Variants in B3GNT6 observed in about 807,000 individuals in gnomAD.
B3GNT6 encodes acetylgalactosaminyl-O-glycosyl-glycoprotein beta-1,3-N-acetylglucosaminyltransferase.
For synonymous variants in B3GNT6, 300 were observed against 270.0 expected (o/e 1.11, Z -1.09); for missense variants, 624 against 568.6 (o/e 1.10, Z -0.99).
chr11:77,039,693 C>T lies in B3GNT6; in HGVS notation c.142C>T (p.Pro48Ser). ...REERSPQEET[P>S]EGPTDAPAAD... ...GGAGAGGTCCCCGCAGGAGGAGACG[C>T]CAGAGGGTCCCACCGACGCTCCCGC... Residue 48 changes from proline to serine, a missense_variant, in exon 2 of 2, where the codon CCA becomes TCA. Pro to Ser is a moderately conservative substitution (Grantham distance 74, BLOSUM62 -1). Transcript: ENST00000622824. 1.2e-6 allele frequency: 2 copies of T among 1,610,846 alleles called. No homozygotes were observed. Among genetic ancestry groups the T allele is most frequent in the Non-Finnish European group, 8.5e-7 (1 of 1,179,182 alleles).
At chr11:77,037,266 G>A (rs1480505779) in intron 1 of B3GNT6, 3 of 152,198 alleles carry the variant, frequency 2.0e-5, no homozygotes, top group African/African-American at 7.2e-5. Context: ...ATGTTAGTTT[G>A]GATCAACCTG....
chr11:77,036,816 A>C (rs1047959374), intron 1 of B3GNT6, among the ~76,000 whole-genome samples: 2 of 152,212 alleles, frequency 1.3e-5, no homozygotes, highest in Non-Finnish European at 2.9e-5. Context: ...ACAACGGTGA[A>C]GACTGGTGTG....
At position 77,039,753 on chromosome 11, in the gene B3GNT6, C is replaced by A. The variant is rs782189014; in HGVS notation, c.202C>A (p.Pro68Thr). The A allele has an allele frequency of 9.4e-6, 15 of 1,595,200 alleles. No individual in the cohort carries two copies. Among genetic ancestry groups the A allele is most frequent in the African/African-American group, 1.3e-5 (1 of 74,366 alleles). Residue 68 changes from proline to threonine, a missense_variant, in exon 2 of 2, where the codon CCC becomes ACC. Transcript: ENST00000622824. ...DEPPSELVPG[P>T]PCVANASANA... ...GCCGCCCTCGGAGCTCGTCCCCGGG[C>A]CCCCGTGCGTGGCGAACGCCTCGGC...
At position 77,034,494 on chromosome 11, in the gene B3GNT6, G is replaced by C. The variant is rs1006067578; in HGVS notation, c.-1+16G>C. ...GAGACTGCAGGTAAGCTGGGGGCCT[G>C]GGCTTCTTCCTATTGGGAAGGAGGT... is the stretch of plus-strand genomic sequence containing the variant. On this transcript the variant is annotated intron_variant, in intron 1 of 1. Transcript: ENST00000622824. 4 of 152,646 alleles carry C rather than the reference G, an allele frequency of 2.6e-5. No individual in the cohort carries two copies. Among genetic ancestry groups the C allele is most frequent in the African/African-American group, 9.7e-5 (4 of 41,422 alleles). The allele number at this position is 152,646 out of a possible 1,614,324, so 9.5% of individuals were successfully genotyped here. A position where few individuals can be genotyped will look rare whatever the true frequency, so the allele number is the denominator to read the frequency against.
At chr11:77,039,481 G>A in intron 1 of B3GNT6, 71 bp from the exon 2 acceptor site, 1 of 1,503,294 alleles carries the variant, frequency 6.7e-7, no homozygotes, top group Non-Finnish European at 8.9e-7. Flanking sequence ...GAGAAGTGAC[G>A]GGGTACGGGT....
At chr11:77,039,362 A>C (rs12422079) in intron 1 of B3GNT6, among the ~76,000 whole-genome samples, 190 bp from the exon 2 acceptor site, 42,293 of 151,930 alleles carry the variant, frequency 0.28, 5,991 homozygotes, top group Middle Eastern at 0.46. Flanking sequence ...AGGTCAGAGG[A>C]ACGGTCCGGA....
chr11:77,035,213 A>T (rs1197021906), intron 1 of B3GNT6, among the ~76,000 whole-genome samples: 3 of 152,210 alleles, frequency 2.0e-5, no homozygotes, highest in Admixed American at 6.5e-5. Context: ...CAGAGTGAGA[A>T]ATGCCTGCAG....
rs1316574027 is a variant in B3GNT6 at position 77,040,429 on chromosome 11, G to A, written c.878G>A (p.Arg293Gln). 2 of 1,530,444 alleles carry A rather than the reference G, an allele frequency of 1.3e-6. No individual in the cohort carries two copies. Among genetic ancestry groups the A allele is most frequent in the Non-Finnish European group, 1.7e-6 (2 of 1,144,304 alleles). The allele number at this position is 1,530,444 out of a possible 1,614,324, so 94.8% of individuals were successfully genotyped here. ...GGFLLSGPTA[R>Q]ALRAAARHTP... is the part of the protein sequence containing the mutation. Reference sequence around the variant, plus strand: ...TTCCTCCTGTCCGGCCCCACGGCCCGGGCCCTGCGCGCGGCCGCCCGCCAC... The same window carrying A: ...TTCCTCCTGTCCGGCCCCACGGCCCAGGCCCTGCGCGCGGCCGCCCGCCAC... The change falls in exon 2 of 2, where the codon CGG becomes CAG. Residue 293 changes from arginine to glutamine, a missense_variant. By Grantham distance (43) the Arg-to-Gln change is conservative. Coordinates refer to ENST00000622824, the MANE Select transcript of B3GNT6 (RefSeq NM_138706.5).
In B3GNT6 at chr11:77,039,797, C is replaced by G; in HGVS notation, c.246C>G (p.Phe82Leu). Residue 82 changes from phenylalanine (F) to leucine (L), a missense_variant, in exon 2 of 2, where the codon TTC (phenylalanine) becomes TTG (leucine). Physicochemically the swap from Phe to Leu is conservative, Grantham distance 22. Coordinates refer to ENST00000622824, the MANE Select transcript of B3GNT6 (RefSeq NM_138706.5). ...CCTCGGCGAACGCCACGGCCGACTTCGAGCAGCTGCCCGCGCGCATCCAGG... is the reference window on the plus strand; with the variant it reads ...CCTCGGCGAACGCCACGGCCGACTTGGAGCAGCTGCCCGCGCGCATCCAGG... ...ANASANATADFEQLPARIQDF... is the reference protein window; with the variant it reads ...ANASANATADLEQLPARIQDF... The G allele has an allele frequency of 6.3e-7, 1 of 1,578,208 alleles. No individual in the cohort carries two copies. Among genetic ancestry groups the G allele is most frequent in the South Asian group, 1.1e-5 (1 of 88,900 alleles).
rs1555027670 is a variant in B3GNT6 at position 77,040,266 on chromosome 11, C to T, written c.715C>T (p.Gln239Ter). 36 of 1,596,636 alleles carry T rather than the reference C, an allele frequency of 2.3e-5. No homozygotes were observed. The highest frequency in any genetic ancestry group is 6.7e-5 in the Admixed American group (4 of 59,686). Residue 239 changes from glutamine to a stop codon, truncating the protein, a stop_gained, in exon 2 of 2, where the codon CAG becomes TAG. Transcript: ENST00000622824. LOFTEE classifies it low-confidence loss of function (END_TRUNC). The part of the protein sequence containing the change: ...TANVVRFLQA[Q>*]PPGRHLFSGQ... Reference sequence around the variant, plus strand: ...CAACGTAGTCCGCTTCCTGCAGGCGCAGCCACCCGGCCGCCACCTGTTCTC... The same window carrying T: ...CAACGTAGTCCGCTTCCTGCAGGCGTAGCCACCCGGCCGCCACCTGTTCTC...
Position 77,040,525 on chromosome 11 carries a change from G to C in B3GNT6, c.974G>C (p.Gly325Ala), listed in dbSNP as rs1190991724. ...CLERAGLAPS[G>A]HEGIRPFGVQ... is the part of the protein sequence containing the mutation. Reference sequence around the variant, plus strand: ...GAGCGCGCCGGCCTGGCGCCCAGCGGCCACGAGGGCATCCGACCCTTCGGC... The same window carrying C: ...GAGCGCGCCGGCCTGGCGCCCAGCGCCCACGAGGGCATCCGACCCTTCGGC... Residue 325 changes from glycine (G) to alanine (A), a missense_variant, in exon 2 of 2, where the codon GGC becomes GCC. By Grantham distance (60) the Gly-to-Ala change is moderately conservative. Transcript: ENST00000622824. 10 of 1,560,954 alleles carry C rather than the reference G, an allele frequency of 6.4e-6. No individual in the cohort carries two copies. The highest frequency in any genetic ancestry group is 8.6e-6 in the Non-Finnish European group (10 of 1,160,648).
chr11:77,041,735 G>A lies in B3GNT6; in HGVS notation c.*1029G>A, dbSNP rs1236460170. 1 of 152,470 alleles carries A rather than the reference G, an allele frequency of 6.6e-6. No homozygotes were observed. Among genetic ancestry groups the A allele is most frequent in the Non-Finnish European group, 1.5e-5 (1 of 68,324 alleles). The allele number at this position is 152,470 out of a possible 1,614,324, so 9.4% of individuals were successfully genotyped here. ...GCACTTTGGGAGGCTGAGGAGGTCGGATCATGAGGTCAAGAGTTCGAGACC... is the reference window on the plus strand; with the variant it reads ...GCACTTTGGGAGGCTGAGGAGGTCGAATCATGAGGTCAAGAGTTCGAGACC... On this transcript the variant is annotated 3_prime_UTR_variant, in exon 2 of 2. Transcript: ENST00000622824.
At position 77,040,077 on chromosome 11, in the gene B3GNT6, G is replaced by T. The variant is rs1555027592; in HGVS notation, c.526G>T (p.Ala176Ser). 2.5e-6 allele frequency: 4 copies of T among 1,584,386 alleles called. No homozygotes were observed. In the South Asian group the frequency reaches 4.5e-5, roughly 18 times the overall value. The change falls in exon 2 of 2, where the codon GCG becomes TCG. Residue 176 changes from alanine to serine, a missense_variant. Ala to Ser is a moderately conservative substitution (Grantham distance 99). Transcript: ENST00000622824. ...CGCGGAGCGGCTGGCGGAGCTGGTG[G>T]CGCTGGAGGCGCGCGAGCACGGCGA... ...ARAERLAELV[A>S]LEAREHGDVL...
chr11:77,038,821 A>C (rs952342620), intron 1 of B3GNT6, among the ~76,000 whole-genome samples: 3 of 152,004 alleles, frequency 2.0e-5, no homozygotes, highest in Admixed American at 2.0e-4. Context: ...TGCCGTGGAG[A>C]TCATCTCACC....
At position 77,039,678 on chromosome 11, in the gene B3GNT6, C is replaced by G. The variant is rs373996731; in HGVS notation, c.127C>G (p.Pro43Ala). ...APRSPREERS[P>A]QEETPEGPTD... ...AAGGTCCCCGCGGGAGGAGAGGTCC[C>G]CGCAGGAGGAGACGCCAGAGGGTCC... Residue 43 changes from proline to alanine, a missense_variant, in exon 2 of 2, where the codon CCG (proline) becomes GCG (alanine). Transcript: ENST00000622824. The G allele has an allele frequency of 1.4e-4, 226 of 1,612,612 alleles. No individual in the cohort carries two copies. The highest frequency in any genetic ancestry group is 1.7e-4 in the Non-Finnish European group (206 of 1,179,626).
intron 1 of B3GNT6, among the ~76,000 whole-genome samples, chr11:77,035,615 C>T (rs1949627512): frequency 6.6e-6 from 1 of 152,186 alleles, no homozygotes; most frequent in African/African-American, 2.4e-5. Context: ...TCCTGAGAGA[C>T]AAGGGATCAG....
In B3GNT6 at chr11:77,040,938, G is replaced by A; in HGVS notation, c.*232G>A. ...CCCAGACATGTTAAGTATTTTTTAAGTTCCTCCAGTGATGCGAATGTGCAG... is the reference window on the plus strand; with the variant it reads ...CCCAGACATGTTAAGTATTTTTTAAATTCCTCCAGTGATGCGAATGTGCAG... On this transcript the variant is annotated 3_prime_UTR_variant, in exon 2 of 2. Coordinates refer to ENST00000622824, the MANE Select transcript of B3GNT6 (RefSeq NM_138706.5). 1.6e-6 allele frequency: 1 copy of A among 610,116 alleles called. No homozygotes were observed. The highest frequency in any genetic ancestry group is 2.5e-6 in the Non-Finnish European group (1 of 394,476). 37.8% of individuals were successfully genotyped at this position (610,116 alleles called of 1,614,324 possible).
rs1210743015 is a variant in B3GNT6, at chr11:77,041,465, CA to C, written c.*760del. 3 of 152,528 alleles carry C rather than the reference CA, an allele frequency of 2.0e-5. No individual in the cohort carries two copies. The highest frequency in any genetic ancestry group is 7.2e-5 in the African/African-American group (3 of 41,472). The allele number at this position is 152,528 out of a possible 1,614,324, so 9.4% of individuals were successfully genotyped here. A position where few individuals can be genotyped will look rare whatever the true frequency, so the allele number is the denominator to read the frequency against. On this transcript the variant is annotated 3_prime_UTR_variant, in exon 2 of 2. Transcript: ENST00000622824. ...GGTCCTGCCCGCCAATAATCACCCC[CA>C]CGGGTCAGAGACAGGCTCCTTGCCG... is the stretch of plus-strand genomic sequence containing the variant.
At position 77,041,573 on chromosome 11, in the gene B3GNT6, G is replaced by C. The variant is rs1372979799; in HGVS notation, c.*867G>C. Reference sequence around the variant, plus strand: ...GTCCGAAGTGGAGAAAGGCTGGTGGGAACATGGAGGCCAGTGTTGGGGAGC... The same window carrying C: ...GTCCGAAGTGGAGAAAGGCTGGTGGCAACATGGAGGCCAGTGTTGGGGAGC... On this transcript the variant is annotated 3_prime_UTR_variant, in exon 2 of 2. Coordinates refer to ENST00000622824, the MANE Select transcript of B3GNT6 (RefSeq NM_138706.5). 1 of 152,968 alleles carries C rather than the reference G, an allele frequency of 6.5e-6. No homozygotes were observed. Among genetic ancestry groups the C allele is most frequent in the Non-Finnish European group, 1.5e-5 (1 of 68,652 alleles). 9.5% of individuals were successfully genotyped at this position (152,968 alleles called of 1,614,324 possible).
Sources: gnomAD v4.1 joint callset for allele counts (sites outside exome capture counted in the v4.1 genomes callset) on GRCh38, gnomAD v4.1.1 for gene constraint, MANE v1.5 for transcripts, NCBI Gene and HGNC (gene_info 2026-07-23, HGNC 2026-07-21) for gene names.